SNTG1: variants seen among roughly 807,000 people sequenced by gnomAD.
SNTG1 encodes the protein gamma-1-syntrophin.
In SNTG1, 39 loss-of-function variants were observed where a neutral mutation model predicts 74.7. The ratio of observed to expected loss-of-function variants is 0.52; its 90% CI spans 0.40 to 0.68. The LOEUF is 0.68. Ranked by LOEUF, SNTG1 falls within the 30% of genes least tolerant of loss-of-function variation. SNTG1 has a pLI of 0.00. For missense variants in SNTG1, 685 were observed against 609.5 expected (o/e 1.12, Z -1.30); for synonymous variants, 254 against 217.1 (o/e 1.17, Z -1.49).
At chr8:50,068,486 A>T (rs986194821) in intron 1 of SNTG1, among the ~76,000 whole-genome samples, 4 of 152,088 alleles carry the variant, frequency 2.6e-5, no homozygotes, top group Non-Finnish European at 4.4e-5. Context: ...AGACTCAGGG[A>T]GCTGGGCTTG....
chr8:49,943,377 G>A (rs1808874379), intron 1 of SNTG1, among the ~76,000 whole-genome samples: 1 of 152,206 alleles, frequency 6.6e-6, no homozygotes, highest in Non-Finnish European at 1.5e-5. Context: ...GTAACTATTG[G>A]TAAATACTAA....
chr8:50,187,852 T>C (rs868793139), intron 2 of SNTG1, among the ~76,000 whole-genome samples: 4 of 152,174 alleles, frequency 2.6e-5, no homozygotes, highest in Non-Finnish European at 4.4e-5. Flanking sequence ...CCTTCCATGA[T>C]GGAAGTGGCC....
At chr8:50,193,531 A>T (rs183485132) in intron 2 of SNTG1, among the ~76,000 whole-genome samples, 3 of 152,138 alleles carry the variant, frequency 2.0e-5, no homozygotes, top group African/African-American at 7.2e-5. Flanking sequence ...GTATCTGGAA[A>T]CTTTGCTGAA....
Position 49,915,937 on chromosome 8 carries a change from G to A in SNTG1, c.-103+3706G>A, listed in dbSNP as rs563616166. 2.6e-5 allele frequency among the ~76,000 whole-genome samples: 4 copies of A among 152,122 alleles called. No homozygotes were observed. In the South Asian group the frequency reaches 8.3e-4, roughly 32 times the overall value. ...AAAATCGAATAAGCAGTATTTCATT[G>A]CTTATTTGCTTTTCTTAGTCGGGTT... On this transcript the variant is annotated intron_variant, in intron 1 of 18. Transcript: ENST00000642720.
At chr8:50,185,208 C>T (rs1318124517) in intron 2 of SNTG1, among the ~76,000 whole-genome samples, 1 of 152,114 alleles carries the variant, frequency 6.6e-6, no homozygotes, top group Non-Finnish European at 1.5e-5. Flanking sequence ...CCATTCTGCT[C>T]TCATGATAAT....
intron 9 of SNTG1, among the ~76,000 whole-genome samples, chr8:50,528,101 C>T (rs573000246): frequency 6.6e-6 from 1 of 152,040 alleles, no homozygotes; most frequent in Admixed American, 6.6e-5. Flanking sequence ...GGTTTTGCTT[C>T]TTCCTTTCCA....
At chr8:50,052,952 A>AT (rs1284519087) in intron 1 of SNTG1, among the ~76,000 whole-genome samples, 12 of 152,168 alleles carry the variant, frequency 7.9e-5, no homozygotes, top group Non-Finnish European at 1.6e-4. Context: ...GAACACTCTT[A>AT]TATTGCTGGG....
intron 6 of SNTG1, among the ~76,000 whole-genome samples, chr8:50,449,934 T>C (rs2131620304): frequency 6.6e-6 from 1 of 152,290 alleles, no homozygotes; most frequent in South Asian, 2.1e-4. Context: ...GGAACAAGGC[T>C]GAAAGATAGG....
At chr8:50,779,336 G>C (rs868152119) in intron 18 of SNTG1, among the ~76,000 whole-genome samples, 119 of 152,062 alleles carry the variant, frequency 7.8e-4, no homozygotes, top group African/African-American at 2.6e-3. Context: ...TACCCATGAG[G>C]GTGGAATGTT....
At chr8:50,572,275 T>TATATATATAG (rs567247331) in intron 12 of SNTG1, among the ~76,000 whole-genome samples, 8 of 148,372 alleles carry the variant, frequency 5.4e-5, no homozygotes, top group African/African-American at 2.0e-4. Context: ...TATATATATA[T>TATATATATAG]AGAGAGAGAG....
At position 49,947,503 on chromosome 8, in the gene SNTG1, G is replaced by A. The variant is rs547958251; in HGVS notation, c.-103+35272G>A. Among the ~76,000 whole-genome samples, 9 of 152,190 alleles carry A rather than the reference G, an allele frequency of 5.9e-5. No homozygotes were observed. In the East Asian group the frequency reaches 7.7e-4, roughly 13 times the overall value. The stretch of plus-strand genomic sequence containing the variant: ...TTACCCCATTTCCACTGATACACAC[G>A]TACACAGTATAAATGGCATCTTCCA... On this transcript the variant is annotated intron_variant, in intron 1 of 18. Transcript: ENST00000642720.
intron 1 of SNTG1, among the ~76,000 whole-genome samples, chr8:50,016,802 C>A (rs1193513155): frequency 6.6e-6 from 1 of 151,844 alleles, no homozygotes; most frequent in Non-Finnish European, 1.5e-5. Flanking sequence ...TATAACAAAC[C>A]ACATTTATTT....
rs542484141 is a variant in SNTG1, at chr8:50,275,735, A to T, written c.-28+103100A>T. ...TTCAGCCCCCAGCAATTCATTAGTT[A>T]CTGTGGAAATTTTCCTGCAAGATAT... On this transcript the variant is annotated intron_variant, in intron 2 of 18. Transcript: ENST00000642720. Among the ~76,000 whole-genome samples, 7 of 152,228 alleles carry T rather than the reference A, an allele frequency of 4.6e-5. No homozygotes were observed. In the South Asian group the frequency reaches 1.5e-3, roughly 32 times the overall value.
chr8:50,058,130 A>C (rs1182220332), intron 1 of SNTG1, among the ~76,000 whole-genome samples: 1 of 152,108 alleles, frequency 6.6e-6, no homozygotes, highest in Non-Finnish European at 1.5e-5. Flanking sequence ...GCCACTTTTT[A>C]AAATTTGCAC....
chr8:50,779,444 T>C (rs1415148158), intron 18 of SNTG1, among the ~76,000 whole-genome samples: 1 of 152,152 alleles, frequency 6.6e-6, no homozygotes, highest in African/African-American at 2.4e-5. Context: ...GATTCCTAGG[T>C]ATTTTATTCT....
At chr8:50,426,055 C>T (rs1371747517) in intron 4 of SNTG1, among the ~76,000 whole-genome samples, 2 of 152,112 alleles carry the variant, frequency 1.3e-5, no homozygotes, top group Non-Finnish European at 2.9e-5. Context: ...TAGAGATATA[C>T]CACACACCGA....
intron 2 of SNTG1, among the ~76,000 whole-genome samples, chr8:50,281,154 T>C (rs1163751817): frequency 6.6e-6 from 1 of 152,170 alleles, no homozygotes; most frequent in African/African-American, 2.4e-5. Context: ...CTACATGTTA[T>C]GTGGTGCTAC....
At chr8:50,355,710 C>T (rs1289027992) in intron 2 of SNTG1, among the ~76,000 whole-genome samples, 1 of 152,202 alleles carries the variant, frequency 6.6e-6, no homozygotes, top group Non-Finnish European at 1.5e-5. Context: ...ATGCAAGAAT[C>T]AGCTGTGGGA....
At chr8:50,577,619 T>A (rs1409387634) in intron 12 of SNTG1, among the ~76,000 whole-genome samples, 2 of 152,126 alleles carry the variant, frequency 1.3e-5, no homozygotes, top group Non-Finnish European at 2.9e-5. Flanking sequence ...AGATTTGACA[T>A]AAAATACATT....
Sources: allele counts gnomAD v4.1 joint callset (sites outside exome capture counted in the v4.1 genomes callset), GRCh38; gene constraint gnomAD v4.1.1; transcripts MANE v1.5; gene names NCBI Gene and HGNC (gene_info 2026-07-23, HGNC 2026-07-21).